Variants in EXOC6 observed in about 807,000 individuals in gnomAD.
EXOC6 encodes the protein exocyst complex component 6.
A neutral mutation model predicts 112.5 loss-of-function variants in EXOC6; 60 were observed. The ratio of observed to expected loss-of-function variants is 0.53; its 90% CI spans 0.43 to 0.66. The LOEUF (loss-of-function observed/expected upper bound fraction) is 0.66. Among genes scored for constraint, EXOC6 ranks in the 30% least tolerant of loss-of-function variants. EXOC6 has a pLI of 0.00. For missense variants in EXOC6, 855 were observed against 957.1 expected, an observed-to-expected ratio of 0.89 and a Z score of 1.41; for synonymous variants, 295 against 308.0, an observed-to-expected ratio of 0.96 and a Z score of 0.44.
At chr10:93,002,426 C>G (rs1037743351) in intron 19 of EXOC6, among the ~76,000 whole-genome samples, 5 of 152,084 alleles carry the variant, frequency 3.3e-5, no homozygotes, top group African/African-American at 1.2e-4. Flanking sequence ...AAAATGTGGT[C>G]CCCAAATGAG....
At chr10:92,834,806 C>T (rs755388274) in exon 1 of EXOC6, 3 of 1,609,096 alleles carry the variant, frequency 1.9e-6, no homozygotes, top group Non-Finnish European at 1.7e-6. Flanking sequence ...TTCGAACTGC[C>T]TGTTGAAGCT....
chr10:92,997,769 A>C (rs1843560163), intron 19 of EXOC6, among the ~76,000 whole-genome samples, 154 bp downstream of exon 19: 1 of 152,186 alleles, frequency 6.6e-6, no homozygotes, highest in East Asian at 1.9e-4. Flanking sequence ...AACTTCCTGA[A>C]ACAGGAAGAT....
intron 1 of EXOC6, among the ~76,000 whole-genome samples, chr10:92,866,540 G>C (rs1400638849): frequency 1.3e-5 from 2 of 151,998 alleles, no homozygotes; most frequent in Admixed American, 6.5e-5. Flanking sequence ...TCAAGGTTTT[G>C]TTACCTAAAA....
At chr10:92,861,545 A>C (rs1847913085) in intron 1 of EXOC6, among the ~76,000 whole-genome samples, 1 of 151,028 alleles carries the variant, frequency 6.6e-6, no homozygotes, top group Non-Finnish European at 1.5e-5. Context: ...TTTTTTTTTT[A>C]GCCTCTGCAA....
At chr10:92,873,988 G>C (rs895487766) in intron 1 of EXOC6, among the ~76,000 whole-genome samples, 1 of 151,802 alleles carries the variant, frequency 6.6e-6, no homozygotes, top group Non-Finnish European at 1.5e-5. Context: ...GGGAGGCAGA[G>C]GTTGCAGTGA....
At chr10:93,043,959 C>T (rs1845896581) in intron 20 of EXOC6, among the ~76,000 whole-genome samples, 1 of 152,120 alleles carries the variant, frequency 6.6e-6, no homozygotes, top group African/African-American at 2.4e-5. Flanking sequence ...ATGTGGCTAC[C>T]TGCACTGGTC....
chr10:92,983,284 C>T (rs917636668), intron 18 of EXOC6, among the ~76,000 whole-genome samples: 1 of 152,068 alleles, frequency 6.6e-6, no homozygotes, highest in African/African-American at 2.4e-5. Flanking sequence ...AAAATAGACC[C>T]TCTCCTTTCC....
Position 92,948,391 on chromosome 10 carries a change from T to A in EXOC6, c.1416+12T>A. On this transcript the variant is annotated intron_variant, in intron 14 of 21. Coordinates refer to ENST00000260762, the MANE Select transcript of EXOC6 (RefSeq NM_019053.6). ...CAGACCTTGAAAAGGTACAAGCTAG[T>A]TTTTAATTCAAGGATTTTCTTAAAA... The A allele has an allele frequency of 7.1e-7, 1 of 1,412,582 alleles. No individual in the cohort carries two copies. The highest frequency in any genetic ancestry group is 2.4e-5 in the East Asian group (1 of 42,304). 87.5% of individuals were successfully genotyped at this position (1,412,582 alleles called of 1,614,324 possible). A position where few individuals can be genotyped will look rare whatever the true frequency, so the allele number is the denominator to read the frequency against.
intron 1 of EXOC6, among the ~76,000 whole-genome samples, chr10:92,839,253 A>T (rs1033714414): frequency 1.3e-5 from 2 of 152,198 alleles, no homozygotes; most frequent in East Asian, 3.9e-4. Flanking sequence ...CCTGATTTTC[A>T]CTGTAGCCTC....
At chr10:92,993,744 T>C (rs1346190039) in intron 18 of EXOC6, among the ~76,000 whole-genome samples, 2 of 152,238 alleles carry the variant, frequency 1.3e-5, no homozygotes, top group Non-Finnish European at 2.9e-5. Flanking sequence ...AAATTTGTCT[T>C]GACATACAAG....
chr10:92,998,273 G>A (rs1843586760), intron 19 of EXOC6, among the ~76,000 whole-genome samples: 1 of 152,064 alleles, frequency 6.6e-6, no homozygotes, highest in African/African-American at 2.4e-5. Context: ...GAGTATATGT[G>A]AGCAATTTTC....
intron 1 of EXOC6, among the ~76,000 whole-genome samples, chr10:92,883,400 GTTAA>G (rs1387709356): frequency 2.0e-5 from 3 of 151,992 alleles, no homozygotes; most frequent in Admixed American, 6.6e-5. Context: ...TTATAACATG[GTTAA>G]TTGTCTTATA....
At chr10:92,940,666 C>T in intron 12 of EXOC6, 61 bp from the exon 13 acceptor site, 1 of 1,116,744 alleles carries the variant, frequency 9.0e-7, no homozygotes, top group Non-Finnish European at 1.3e-6. Context: ...GTATTCCCAA[C>T]ATTTTTAATG....
At chr10:92,909,327 T>G in intron 5 of EXOC6, 100 bp from the exon 6 acceptor site, 2 of 780,992 alleles carry the variant, frequency 2.6e-6, no homozygotes, top group Non-Finnish European at 4.0e-6. Flanking sequence ...ACTAGGTCCT[T>G]TTTGATGAAT....
intron 14 of EXOC6, among the ~76,000 whole-genome samples, chr10:92,950,292 CTT>C (rs1451016145): frequency 2.6e-5 from 4 of 151,866 alleles, no homozygotes; most frequent in Admixed American, 6.6e-5. Flanking sequence ...TATCAAATAA[CTT>C]GAGTTATTTT....
chr10:92,982,130 A>C (rs187179871), intron 18 of EXOC6, among the ~76,000 whole-genome samples: 1 of 152,088 alleles, frequency 6.6e-6, no homozygotes, highest in African/African-American at 2.4e-5. Context: ...AAAACCAAAC[A>C]AAAAAACCAG....
intron 16 of EXOC6, among the ~76,000 whole-genome samples, chr10:92,955,054 G>A (rs967856755): frequency 2.6e-5 from 4 of 152,100 alleles, no homozygotes; most frequent in South Asian, 4.2e-4. Context: ...TTAGCCAGGC[G>A]TGGTAGTGTG....
intron 14 of EXOC6, among the ~76,000 whole-genome samples, chr10:92,948,984 C>T (rs1589891321): frequency 6.6e-6 from 1 of 152,170 alleles, no homozygotes; most frequent in South Asian, 2.1e-4. Context: ...AGGAGATTCT[C>T]AGAATGCACA....
rs1193759407 is a variant in EXOC6, at chr10:93,058,813, A to C, written c.*458A>C. ...TTTTATTTTCACCTCAATGTGATTT[A>C]AGCAGACCAAAATTTCTAATTCTGC... On this transcript the variant is annotated 3_prime_UTR_variant, in exon 22 of 22. Transcript: ENST00000260762. 1 of 152,242 alleles carries C rather than the reference A, an allele frequency of 6.6e-6. No individual in the cohort carries two copies. The highest frequency in any genetic ancestry group is 6.5e-5 in the Admixed American group (1 of 15,282). The allele number at this position is 152,242 out of a possible 1,614,324, so 9.4% of individuals were successfully genotyped here. A position where few individuals can be genotyped will look rare whatever the true frequency, so the allele number is the denominator to read the frequency against.
Sources: gnomAD v4.1 joint callset for allele counts (sites outside exome capture counted in the v4.1 genomes callset) on GRCh38, gnomAD v4.1.1 for gene constraint, MANE v1.5 for transcripts, NCBI Gene and HGNC (gene_info 2026-07-23, HGNC 2026-07-21) for gene names.